PRICKLE1: variants seen among roughly 807,000 people sequenced by gnomAD.
PRICKLE1 encodes the protein prickle-like protein 1.
PRICKLE1 carries 14 observed loss-of-function variants against 70.2 expected under a neutral mutation model. That is an observed-to-expected ratio of 0.20 (90% CI 0.13 to 0.31). The LOEUF is 0.31. PRICKLE1 is among the 10% of genes least tolerant of loss of function. The probability of loss-of-function intolerance (pLI) is 1.00; values close to 1 mark genes in which losing one functional copy is unlikely to be tolerated. For missense variants in PRICKLE1, 821 were observed against 1,026.2 expected, an observed-to-expected ratio of 0.80 and a Z score of 2.73; for synonymous variants, 357 against 379.9, an observed-to-expected ratio of 0.94 and a Z score of 0.70.
chr12:42,485,805 T>G lies in PRICKLE1; in HGVS notation c.-48-13241A>C, dbSNP rs796336713. The stretch of plus-strand genomic sequence containing the variant: ...ACTATTAAATGTCAGCCATTGTAAA[T>G]GTGCTTCCTCTAACGCAGTTACTTG... On this transcript the variant is annotated intron_variant, in intron 1 of 7. Coordinates refer to ENST00000345127, the MANE Select transcript of PRICKLE1 (RefSeq NM_153026.3). Among the ~76,000 whole-genome samples the G allele has an allele frequency of 3.3e-5, 5 of 152,344 alleles. No homozygotes were observed. The East Asian group carries it at 5.8e-4, about 18-fold the overall frequency.
intron 1 of PRICKLE1, among the ~76,000 whole-genome samples, chr12:42,537,190 G>A (rs2120577900): frequency 6.6e-6 from 1 of 151,942 alleles, no homozygotes; most frequent in Admixed American, 6.6e-5. Context: ...CCAGGCTGGA[G>A]TGTAGTACTA....
At chr12:42,461,873 A>C (rs953581059) in intron 7 of PRICKLE1, among the ~76,000 whole-genome samples, 9 of 151,980 alleles carry the variant, frequency 5.9e-5, no homozygotes, top group Non-Finnish European at 1.3e-4. Context: ...ATCTCAGCTC[A>C]CTGCAAGCTC....
At chr12:42,528,624 ATGTT>A (rs1054005821) in intron 1 of PRICKLE1, among the ~76,000 whole-genome samples, 1 of 152,218 alleles carries the variant, frequency 6.6e-6, no homozygotes, top group Non-Finnish European at 1.5e-5. Context: ...AAGGAGTTAA[ATGTT>A]TGTATTAAAC....
chr12:42,545,869 T>A (rs569512097), intron 1 of PRICKLE1, among the ~76,000 whole-genome samples: 46 of 141,078 alleles, frequency 3.3e-4, no homozygotes, highest in African/African-American at 7.3e-4. Context: ...AAAAAAAAAA[T>A]ATATATATGG....
At chr12:42,541,267 A>G (rs572446148) in intron 1 of PRICKLE1, among the ~76,000 whole-genome samples, 7 of 152,158 alleles carry the variant, frequency 4.6e-5, no homozygotes, top group African/African-American at 1.7e-4. Flanking sequence ...CACAAAGAAG[A>G]TTGTTTTTGT....
intron 1 of PRICKLE1, among the ~76,000 whole-genome samples, chr12:42,585,919 T>C (rs1440972804): frequency 6.6e-6 from 1 of 152,148 alleles, no homozygotes; most frequent in Non-Finnish European, 1.5e-5. Flanking sequence ...AATGCCATCT[T>C]GGTCCTTGGA....
chr12:42,467,424 A>AT (rs79405166), intron 5 of PRICKLE1, among the ~76,000 whole-genome samples: 1 of 151,672 alleles, frequency 6.6e-6, no homozygotes, highest in Admixed American at 6.6e-5. Flanking sequence ...AGGTTCTTTC[A>AT]TTTTTTTTAT....
chr12:42,507,401 A>C (rs1368384847), intron 1 of PRICKLE1, among the ~76,000 whole-genome samples: 3 of 152,236 alleles, frequency 2.0e-5, no homozygotes, highest in African/African-American at 7.2e-5. Flanking sequence ...AACCCTTTTG[A>C]ACTAAACATA....
chr12:42,472,091 C>T (rs1460075569), intron 2 of PRICKLE1, among the ~76,000 whole-genome samples: 2 of 152,084 alleles, frequency 1.3e-5, no homozygotes, highest in Non-Finnish European at 2.9e-5. Flanking sequence ...GGGATTCATC[C>T]GAAATACACA....
At chr12:42,527,938 T>C (rs56842971) in intron 1 of PRICKLE1, among the ~76,000 whole-genome samples, 6 of 26,984 alleles carry the variant, frequency 2.2e-4, no homozygotes, top group Admixed American at 1.1e-3. Flanking sequence ...TATATATATA[T>C]ATATATATAT....
At chr12:42,465,842 G>A (rs1164970632) in intron 6 of PRICKLE1, 1 of 379,598 alleles carries the variant, frequency 2.6e-6, no homozygotes, top group Non-Finnish European at 5.0e-6. Flanking sequence ...TAAGGCAGTG[G>A]CTTTAAGCAA....
chr12:42,578,548 A>T (rs1000385303), intron 1 of PRICKLE1, among the ~76,000 whole-genome samples: 9 of 152,090 alleles, frequency 5.9e-5, no homozygotes, highest in Non-Finnish European at 2.9e-5. Context: ...GGGTTATTTG[A>T]TACGCATCTT....
intron 1 of PRICKLE1, among the ~76,000 whole-genome samples, chr12:42,584,707 T>C (rs1231948249): frequency 1.3e-5 from 2 of 152,190 alleles, no homozygotes; most frequent in African/African-American, 4.8e-5. Context: ...ATATTGTGTG[T>C]AATTGGAAAC....
In PRICKLE1 at chr12:42,460,119, T is replaced by C. The variant is rs867192260; in HGVS notation, c.2186A>G (p.Asp729Gly). The change falls in exon 8 of 8, where the codon GAT becomes GGT. Residue 729 changes from aspartate (D) to glycine (G), a missense_variant. Asp to Gly is a moderately conservative substitution (Grantham distance 94). Transcript: ENST00000345127. ...GGCATGGGCGTACTGTCCGTAGAGA[T>C]CAGCATTCTGGATGTATGCTTGGAT... The part of the protein sequence containing the change: ...REIQAYIQNA[D>G]LYGQYAHATS... 6 of 1,614,014 alleles carry C rather than the reference T, an allele frequency of 3.7e-6. No individual in the cohort carries two copies. The Middle Eastern group carries it at 4.9e-4, about 133-fold the overall frequency.
chr12:42,539,826 C>T (rs182507608), intron 1 of PRICKLE1, among the ~76,000 whole-genome samples: 181 of 152,258 alleles, frequency 1.2e-3, no homozygotes, highest in African/African-American at 3.9e-3. Flanking sequence ...TATTAATGCA[C>T]AAGACTGAAA....
intron 1 of PRICKLE1, among the ~76,000 whole-genome samples, chr12:42,552,223 C>T (rs895103937): frequency 6.6e-6 from 1 of 151,948 alleles, no homozygotes; most frequent in Non-Finnish European, 1.5e-5. Flanking sequence ...CATGCCACCA[C>T]GCCCGGCTAA....
intron 1 of PRICKLE1, among the ~76,000 whole-genome samples, chr12:42,522,408 G>C (rs1335301628): frequency 6.6e-6 from 1 of 152,022 alleles, no homozygotes; most frequent in Non-Finnish European, 1.5e-5. Flanking sequence ...TGAAATCAGG[G>C]GTTTTAGGGC....
At chr12:42,577,334 TA>T (rs1296368442) in intron 1 of PRICKLE1, among the ~76,000 whole-genome samples, 1 of 152,056 alleles carries the variant, frequency 6.6e-6, no homozygotes, top group East Asian at 1.9e-4. Flanking sequence ...AACTCTAAGG[TA>T]AACTATAAAC....
chr12:42,533,354 T>C (rs1346501766), intron 1 of PRICKLE1, among the ~76,000 whole-genome samples: 1 of 152,174 alleles, frequency 6.6e-6, no homozygotes, highest in Non-Finnish European at 1.5e-5. Context: ...TCCAAGAACC[T>C]TATCCCTGAA....
Sources: gnomAD v4.1 joint callset for allele counts (sites outside exome capture counted in the v4.1 genomes callset) on GRCh38, gnomAD v4.1.1 for gene constraint, MANE v1.5 for transcripts, NCBI Gene and HGNC (gene_info 2026-07-23, HGNC 2026-07-21) for gene names.